Variants in CEP83 observed in about 807,000 individuals in gnomAD.
The protein encoded by CEP83 is centrosomal protein of 83 kDa.
A neutral mutation model predicts 101.9 loss-of-function variants in CEP83; 70 were observed. The ratio of observed to expected loss-of-function variants is 0.69; its 90% CI spans 0.57 to 0.84. The LOEUF (loss-of-function observed/expected upper bound fraction) is 0.84, where lower values mean the gene tolerates loss of function less well. Among genes scored for constraint, CEP83 ranks in the 40% least tolerant of loss-of-function variants. The pLI is 0.00. For synonymous variants in CEP83, 264 were observed against 267.9 expected, an observed-to-expected ratio of 0.99 and a Z score of 0.14; for missense variants, 715 against 787.2, an observed-to-expected ratio of 0.91 and a Z score of 1.10.
At chr12:94,424,029 T>G in intron 2 of CEP83, 3 of 1,612,524 alleles carry the variant, frequency 1.9e-6, no homozygotes, top group Non-Finnish European at 2.5e-6. Flanking sequence ...GAAGGCTGCA[T>G]GAGGTATGAA....
chr12:94,303,620 G>C (rs76993695), downstream of CEP83: 1,204 of 664,968 alleles, frequency 1.8e-3, 17 homozygotes, highest in African/African-American at 0.021. Context: ...ACTGCATGAA[G>C]CCTTGTTAGC....
the CEP83 span, among the ~76,000 whole-genome samples, chr12:94,267,235 C>A: frequency 6.6e-6 from 1 of 152,184 alleles, no homozygotes; most frequent in Non-Finnish European, 1.5e-5. Context: ...ACAGGAAAGA[C>A]AGGAAAGGAG....
the CEP83 span, chr12:94,272,042 T>C: frequency 4.6e-5 from 7 of 152,234 alleles, no homozygotes; most frequent in African/African-American, 1.7e-4. Flanking sequence ...TGTGAGAGGC[T>C]GATGGCTGAC....
chr12:94,304,234 AGTTT>A, downstream of CEP83: 1 of 503,214 alleles, frequency 2.0e-6, no homozygotes, highest in Non-Finnish European at 3.6e-6. Context: ...CCCCCCTTAC[AGTTT>A]TATCATGCTG....
At chr12:94,422,552 A>G (rs2064839879) in intron 2 of CEP83, among the ~76,000 whole-genome samples, 1 of 152,228 alleles carries the variant, frequency 6.6e-6, no homozygotes, top group African/African-American at 2.4e-5. Context: ...AATTCAAGAA[A>G]GCCTCAATTT....
intron 14 of CEP83, among the ~76,000 whole-genome samples, chr12:94,323,744 T>C (rs942770763): frequency 2.6e-5 from 4 of 152,214 alleles, no homozygotes; most frequent in Non-Finnish European, 4.4e-5. Context: ...ATGGTGATAG[T>C]AGACATCTGT....
At chr12:94,320,200 GTTCCTC>G (rs2058688580) in intron 14 of CEP83, among the ~76,000 whole-genome samples, 1 of 152,122 alleles carries the variant, frequency 6.6e-6, no homozygotes, top group Non-Finnish European at 1.5e-5. Flanking sequence ...CTTGGCAGAT[GTTCCTC>G]CATCCATTTA....
the CEP83 span, among the ~76,000 whole-genome samples, chr12:94,288,754 A>AGAC: frequency 6.6e-6 from 1 of 152,240 alleles, no homozygotes; most frequent in African/African-American, 2.4e-5. Flanking sequence ...CTGAGGGAGA[A>AGAC]GACGATACTG....
intron 6 of CEP83, among the ~76,000 whole-genome samples, chr12:94,383,576 A>G (rs1593581905): frequency 6.6e-6 from 1 of 151,722 alleles, no homozygotes; most frequent in African/African-American, 2.4e-5. Flanking sequence ...CAGTTAGGTC[A>G]TTTTTAAAAA....
chr12:94,343,354 C>G (rs2059777266), intron 11 of CEP83, among the ~76,000 whole-genome samples: 1 of 151,770 alleles, frequency 6.6e-6, no homozygotes, highest in Non-Finnish European at 1.5e-5. Flanking sequence ...GCCTCAATTG[C>G]TTTACCCTAG....
At chr12:94,282,644 C>A in the CEP83 span, among the ~76,000 whole-genome samples, 4 of 152,184 alleles carry the variant, frequency 2.6e-5, no homozygotes. Context: ...ACTCTCTCCA[C>A]CCTGAGGTTC....
the CEP83 span, chr12:94,282,299 G>A: frequency 6.0e-5 from 96 of 1,609,140 alleles, no homozygotes; most frequent in Admixed American, 8.4e-5. Flanking sequence ...CTTTTTCAGA[G>A]CTTCAAATGG....
intron 1 of CEP83, among the ~76,000 whole-genome samples, chr12:94,445,967 G>T (rs1298432858): frequency 3.3e-5 from 5 of 152,196 alleles, no homozygotes. Flanking sequence ...ATTGTAAAAT[G>T]AAATTTCAAA....
chr12:94,422,374 G>C (rs770075912), intron 2 of CEP83, among the ~76,000 whole-genome samples: 111 of 152,306 alleles, frequency 7.3e-4, no homozygotes, highest in Non-Finnish European at 1.3e-3. Context: ...CTTTATCATA[G>C]TGTTGATTTC....
the CEP83 span, among the ~76,000 whole-genome samples, chr12:94,286,930 A>G: frequency 2.6e-4 from 39 of 152,290 alleles, no homozygotes; most frequent in East Asian, 7.0e-3. Context: ...ATAGCATCTC[A>G]TGGACTAGAT....
chr12:94,356,850 C>T lies in CEP83; in HGVS notation c.1343+10944G>A, dbSNP rs374074213. 7.9e-5 allele frequency among the ~76,000 whole-genome samples: 12 copies of T among 152,246 alleles called. 1 individual carries two copies. The highest frequency in any genetic ancestry group is 2.6e-4 in the African/African-American group (11 of 41,532). On this transcript the variant is annotated intron_variant, in intron 11 of 16. Coordinates refer to ENST00000397809, the MANE Select transcript of CEP83 (RefSeq NM_016122.3). ...ATTTGGGCTGCTCGCAATGCCCAGG[C>T]CCAACCTCAAATTAATATAACTGCA...
At chr12:94,307,476 CA>C (rs925776827), downstream of CEP83, 10 of 152,172 alleles carry the variant, frequency 6.6e-5, no homozygotes, top group African/African-American at 2.4e-4. Context: ...AGTTTCTTTG[CA>C]TATTTTTTTG....
chr12:94,297,350 AAGGAAAGAGACATCG>A, the CEP83 span: 1 of 1,613,976 alleles, frequency 6.2e-7, no homozygotes, highest in African/African-American at 1.3e-5. Context: ...CAAGATGTGC[AAGGAAAGAGACATCG>A]AGGGAAGCAC....
At chr12:94,390,095 C>G (rs544736238) in intron 6 of CEP83, among the ~76,000 whole-genome samples, 1 of 152,344 alleles carries the variant, frequency 6.6e-6, no homozygotes, top group African/African-American at 2.4e-5. Flanking sequence ...CCCTGTCTGA[C>G]AGCTCTGAAG....
Sources: allele counts gnomAD v4.1 joint callset (sites outside exome capture counted in the v4.1 genomes callset), GRCh38; gene constraint gnomAD v4.1.1; transcripts MANE v1.5; gene names NCBI Gene and HGNC (gene_info 2026-07-23, HGNC 2026-07-21).